INTS15: variants seen among roughly 807,000 people sequenced by gnomAD.
INTS15 encodes the protein integrator complex subunit 15, also known as uncharacterized protein C7orf26.
the INTS15 span, chr7:6,602,078 A>G: frequency 1.9e-6 from 3 of 1,609,854 alleles, no homozygotes; most frequent in African/African-American, 4.0e-5. Context: ...ATGTTCATTA[A>G]TCTTGTATCT....
chr7:6,600,477 AAC>A, the INTS15 span: 1 of 1,062,036 alleles, frequency 9.4e-7, no homozygotes, highest in Non-Finnish European at 1.3e-6. Flanking sequence ...CCTCCTAGTG[AAC>A]ACAGGGGAGG....
At chr7:6,590,332 G>T in the INTS15 span, 2 of 1,596,074 alleles carry the variant, frequency 1.3e-6, no homozygotes, top group Non-Finnish European at 8.5e-7. Context: ...GCTGAGCGCC[G>T]CCAAGGAGGT....
chr7:6,594,134 A>C, the INTS15 span, among the ~76,000 whole-genome samples: 3 of 146,484 alleles, frequency 2.0e-5, no homozygotes, highest in Non-Finnish European at 4.4e-5. Context: ...TCAGCCTTCC[A>C]AGTAGCTGGG....
the INTS15 span, chr7:6,594,578 C>G: frequency 6.2e-7 from 1 of 1,614,076 alleles, no homozygotes. Flanking sequence ...CCTCCGTTAC[C>G]GCGCTCTATG....
the INTS15 span, among the ~76,000 whole-genome samples, chr7:6,606,279 C>T: frequency 6.6e-6 from 1 of 152,236 alleles, no homozygotes; most frequent in Non-Finnish European, 1.5e-5. Context: ...CCTCTGTTTA[C>T]TGCCTCAGCC....
the INTS15 span, among the ~76,000 whole-genome samples, chr7:6,591,228 C>T: frequency 6.6e-6 from 1 of 151,286 alleles, no homozygotes; most frequent in African/African-American, 2.4e-5. Context: ...TTACGAAGGG[C>T]GAAAAGTTCT....
At chr7:6,591,306 C>CG in the INTS15 span, among the ~76,000 whole-genome samples, 1 of 143,494 alleles carries the variant, frequency 7.0e-6, no homozygotes, top group East Asian at 2.1e-4. Flanking sequence ...CTCACTCTGT[C>CG]ACCAGGCTGG....
the INTS15 span, among the ~76,000 whole-genome samples, chr7:6,606,825 C>T: frequency 6.6e-6 from 1 of 152,080 alleles, no homozygotes; most frequent in Non-Finnish European, 1.5e-5. Context: ...CCTGCCCCAG[C>T]CTCCTGAGTA....
the INTS15 span, among the ~76,000 whole-genome samples, chr7:6,596,376 C>CTTTTT: frequency 9.0e-4 from 97 of 107,908 alleles, 3 homozygotes; most frequent in Non-Finnish European, 1.3e-3. Flanking sequence ...ATCTGTCACC[C>CTTTTT]TTTTTTTTTT....
At chr7:6,595,433 G>T in the INTS15 span, among the ~76,000 whole-genome samples, 51 of 152,270 alleles carry the variant, frequency 3.3e-4, no homozygotes, top group African/African-American at 1.2e-3. Flanking sequence ...TAAAGTGTCG[G>T]CATTACAGGT....
chr7:6,602,358 C>T, the INTS15 span: 5 of 534,738 alleles, frequency 9.4e-6, no homozygotes, highest in South Asian at 1.1e-4. Context: ...AGGCCAGTCC[C>T]TGTATCACCG....
At chr7:6,608,164 T>G in the INTS15 span, 2 of 1,538,066 alleles carry the variant, frequency 1.3e-6, no homozygotes, top group Non-Finnish European at 1.7e-6. Context: ...TCCGCTAGGC[T>G]GGCCCGTGTG....
the INTS15 span, among the ~76,000 whole-genome samples, chr7:6,597,790 A>G: frequency 1.3e-5 from 2 of 152,236 alleles, no homozygotes; most frequent in African/African-American, 2.4e-5. Flanking sequence ...AGTCACTGCC[A>G]CACAGCAGTG....
chr7:6,592,206 A>C, the INTS15 span, among the ~76,000 whole-genome samples: 1 of 150,174 alleles, frequency 6.7e-6, no homozygotes, highest in African/African-American at 2.5e-5. Flanking sequence ...GTCTCTGAAG[A>C]TGATTTTGCT....
the INTS15 span, among the ~76,000 whole-genome samples, chr7:6,591,408 A>G: frequency 4.6e-5 from 7 of 150,930 alleles, no homozygotes; most frequent in Admixed American, 2.7e-4. Context: ...CTGGGATTAC[A>G]GGTGCGCGCC....
the INTS15 span, among the ~76,000 whole-genome samples, chr7:6,592,943 A>G: frequency 6.6e-6 from 1 of 152,170 alleles, no homozygotes; most frequent in South Asian, 2.1e-4. Flanking sequence ...TTTAGCAAGT[A>G]CTGCTGTAAA....
At chr7:6,594,974 C>G in the INTS15 span, among the ~76,000 whole-genome samples, 16 of 152,184 alleles carry the variant, frequency 1.1e-4, no homozygotes, top group Non-Finnish European at 1.2e-4. Context: ...GTGATCCACC[C>G]GCCTCGGCCT....
chr7:6,598,857 G>A, the INTS15 span, among the ~76,000 whole-genome samples: 1 of 148,614 alleles, frequency 6.7e-6, no homozygotes, highest in African/African-American at 2.5e-5. Flanking sequence ...GACAGCCACA[G>A]CTGACTGCAA....
the INTS15 span, among the ~76,000 whole-genome samples, chr7:6,596,286 C>T: frequency 6.6e-6 from 1 of 151,864 alleles, no homozygotes; most frequent in Non-Finnish European, 1.5e-5. Context: ...GAACTCCTGA[C>T]CTCCTGATCC....
Sources: gnomAD v4.1 joint callset for allele counts (sites outside exome capture counted in the v4.1 genomes callset) on GRCh38, gnomAD v4.1.1 for gene constraint, MANE v1.5 for transcripts, NCBI Gene and HGNC (gene_info 2026-07-23, HGNC 2026-07-21) for gene names.